Variants in MALT1 observed in about 807,000 individuals in gnomAD.
MALT1 encodes MALT1 paracaspase, also known as mucosa-associated lymphoid tissue lymphoma translocation protein 1.
In MALT1, 36 loss-of-function variants were observed where a neutral mutation model predicts 85.5. That is an observed-to-expected ratio of 0.42 (90% CI 0.32 to 0.56). The LOEUF is 0.56. Among genes scored for constraint, MALT1 ranks in the 20% least tolerant of loss-of-function variants. The pLI, the probability that MALT1 is intolerant of heterozygous loss-of-function variation, is 0.10. For synonymous variants in MALT1, 359 were observed against 361.3 expected (o/e 0.99, Z 0.07); for missense variants, 716 against 981.6 (o/e 0.73, Z 3.62).
At chr18:58,744,542 T>C (rs865995732) in intron 15 of MALT1, 47 bp downstream of exon 15, 1 of 1,287,484 alleles carries the variant, frequency 7.8e-7, no homozygotes, top group South Asian at 1.6e-5. Flanking sequence ...TTCTCACTTA[T>C]TAAAGACTAA....
chr18:58,692,407 C>CCTCTCTCTCTTTCTCTCTCTCT (rs2054519610), intron 2 of MALT1, among the ~76,000 whole-genome samples: 1 of 130,360 alleles, frequency 7.7e-6, no homozygotes, highest in African/African-American at 3.0e-5. Context: ...ACTGGCCATT[C>CCTCTCTCTCTTTCTCTCTCTCT]CTCTCTCTCT....
At chr18:58,694,690 T>A (rs1374579312) in intron 2 of MALT1, among the ~76,000 whole-genome samples, 2 of 152,240 alleles carry the variant, frequency 1.3e-5, no homozygotes, top group Non-Finnish European at 2.9e-5. Flanking sequence ...AACAACTGTT[T>A]ATTATCTCAC....
chr18:58,722,561 TTGA>T (rs2054999389), intron 9 of MALT1, among the ~76,000 whole-genome samples: 2 of 150,306 alleles, frequency 1.3e-5, no homozygotes, highest in Non-Finnish European at 2.9e-5. Flanking sequence ...CTCTCTCTCT[TTGA>T]TATTTCCCCT....
intron 2 of MALT1, among the ~76,000 whole-genome samples, chr18:58,687,268 G>A (rs781708305): frequency 5.2e-4 from 79 of 152,160 alleles, no homozygotes; most frequent in Admixed American, 1.2e-3. Context: ...GGGAGAGAAA[G>A]GGCTGGTGAG....
rs747407753 is a variant in MALT1, at chr18:58,747,452, G to T, written c.2085G>T (p.Leu695Phe). The change falls in exon 17 of 17, where the codon TTG (leucine) becomes TTT (phenylalanine). Residue 695 changes from leucine to phenylalanine, a missense_variant. Physicochemically the swap from Leu to Phe is conservative, Grantham distance 22. Around this residue, in one of 4 missense-constraint regions of MALT1, gnomAD observed 260 missense variants for 323.7 expected, o/e 0.80. Coordinates refer to ENST00000649217, the MANE Select transcript of MALT1 (RefSeq NM_006785.4). ...TVCLSYQYSG[L>F]EDTVEDKQEV... Reference sequence around the variant, plus strand: ...GTTTATCATATCAGTACTCAGGATTGGAAGATACTGTAGAGGACAAGCAGG... The same window carrying T: ...GTTTATCATATCAGTACTCAGGATTTGAAGATACTGTAGAGGACAAGCAGG... 10 of 1,613,678 alleles carry T rather than the reference G, an allele frequency of 6.2e-6. No individual in the cohort carries two copies. The Admixed American group carries it at 1.0e-4, about 16-fold the overall frequency.
chr18:58,684,001 G>A lies in MALT1; in HGVS notation c.376+2665G>A, dbSNP rs545109676. Among the ~76,000 whole-genome samples the A allele has an allele frequency of 6.8e-4, 103 of 151,980 alleles. 1 individual carries two copies. The highest frequency in any genetic ancestry group is 1.9e-3 in the East Asian group (10 of 5,180). ...GGCTGGAATGCAGTGATATGATCTC[G>A]GCTCACTGCAACTTCTGCCTCCGGA... On this transcript the variant is annotated intron_variant, in intron 2 of 16. Transcript: ENST00000649217.
At chr18:58,738,573 T>C (rs374105048) in intron 13 of MALT1, among the ~76,000 whole-genome samples, 4 of 146,482 alleles carry the variant, frequency 2.7e-5, no homozygotes, top group African/African-American at 1.0e-4. Flanking sequence ...CCAGACAGTT[T>C]TGTAAAGTGG....
Position 58,733,402 on chromosome 18 carries a change from T to C in MALT1, c.1228T>C (p.Leu410=), listed in dbSNP as rs2055180956. 2 of 1,598,130 alleles carry C rather than the reference T, an allele frequency of 1.3e-6. 1 individual carries two copies. The highest frequency in any genetic ancestry group is 2.3e-5 in the South Asian group (2 of 87,780). ...CTTATTTTTCCTCTTTTCAGGGTTATTATATTATGCAGGACATGGTTATGA... is the reference window on the plus strand; with the variant it reads ...CTTATTTTTCCTCTTTTCAGGGTTACTATATTATGCAGGACATGGTTATGA... ...LLLDKGVYGL[L]YYAGHGYENF... Residue 410 remains leucine (L), a synonymous_variant, in exon 11 of 17, where the codon TTA becomes CTA. Coordinates refer to ENST00000649217, the MANE Select transcript of MALT1 (RefSeq NM_006785.4).
intron 4 of MALT1, among the ~76,000 whole-genome samples, chr18:58,703,673 G>C (rs1000120878): frequency 5.9e-5 from 9 of 152,108 alleles, no homozygotes; most frequent in African/African-American, 2.2e-4. Flanking sequence ...GGGGGAAACT[G>C]CCCCCATGAT....
intron 9 of MALT1, among the ~76,000 whole-genome samples, chr18:58,721,608 T>A (rs2054984373): frequency 6.6e-6 from 1 of 152,184 alleles, no homozygotes; most frequent in Admixed American, 6.5e-5. Flanking sequence ...GTAGAGTTTT[T>A]TTTATCCTTT....
chr18:58,747,733 G>C lies in MALT1; in HGVS notation c.2366G>C (p.Ser789Thr). 1 of 1,614,154 alleles carries C rather than the reference G, an allele frequency of 6.2e-7. No individual in the cohort carries two copies. The highest frequency in any genetic ancestry group is 8.5e-7 in the Non-Finnish European group (1 of 1,180,010). Residue 789 changes from serine to threonine, a missense_variant, in exon 17 of 17, where the codon AGT (serine) becomes ACT (threonine). Physicochemically the swap from Ser to Thr is moderately conservative, Grantham distance 58. Transcript: ENST00000649217. Reference protein sequence around the residue: ...CSRTPDAFISSFAHHASCHFS... With the variant: ...CSRTPDAFISTFAHHASCHFS... ...CGGACTCCAGATGCATTTATTTCAAGTTTCGCTCACCATGCTTCATGTCAT... is the reference window on the plus strand; with the variant it reads ...CGGACTCCAGATGCATTTATTTCAACTTTCGCTCACCATGCTTCATGTCAT...
rs1251144965 is a variant in MALT1 at position 58,751,497 on chromosome 18, G to A, written c.*3655G>A. The stretch of plus-strand genomic sequence containing the variant: ...AGCATCCGTGGAGGCTGAAACAGGA[G>A]AATCGCATGAATTTTTTAAAAAATC... On this transcript the variant is annotated 3_prime_UTR_variant, in exon 17 of 17. Coordinates refer to ENST00000649217, the MANE Select transcript of MALT1 (RefSeq NM_006785.4). The A allele has an allele frequency of 6.6e-6, 1 of 152,074 alleles. No homozygotes were observed. Among genetic ancestry groups the A allele is most frequent in the Non-Finnish European group, 1.5e-5 (1 of 68,012 alleles). 9.4% of individuals were successfully genotyped at this position (152,074 alleles called of 1,614,324 possible). A position where few individuals can be genotyped will look rare whatever the true frequency, so the allele number is the denominator to read the frequency against.
chr18:58,691,896 T>C (rs1216220127), intron 2 of MALT1, among the ~76,000 whole-genome samples: 1 of 138,470 alleles, frequency 7.2e-6, no homozygotes, highest in Non-Finnish European at 1.6e-5. Flanking sequence ...AACAAAAAAT[T>C]AGCCAGGCAT....
Position 58,722,956 on chromosome 18 carries a change from T to G in MALT1, c.1019-92T>G. Reference sequence around the variant, plus strand: ...TATTTGAAATGAAATAATGCAATCTTAAAGCATACTTTTTATTATAATACC... The same window carrying G: ...TATTTGAAATGAAATAATGCAATCTGAAAGCATACTTTTTATTATAATACC... On this transcript the variant is annotated intron_variant, in intron 9 of 16. Transcript: ENST00000649217. 3 of 798,274 alleles carry G rather than the reference T, an allele frequency of 3.8e-6. No homozygotes were observed. The Admixed American group carries it at 8.1e-5, about 22-fold the overall frequency. The allele number at this position is 798,274 out of a possible 1,614,324, so 49.4% of individuals were successfully genotyped here.
chr18:58,741,879 C>A lies in MALT1; in HGVS notation c.1618C>A (p.His540Asn). 2 of 1,524,454 alleles carry A rather than the reference C, an allele frequency of 1.3e-6. No individual in the cohort carries two copies. The highest frequency in any genetic ancestry group is 9.0e-7 in the Non-Finnish European group (1 of 1,116,916). The allele number at this position is 1,524,454 out of a possible 1,614,324, so 94.4% of individuals were successfully genotyped here. A position where few individuals can be genotyped will look rare whatever the true frequency, so the allele number is the denominator to read the frequency against. ...ATATCTTTTAGATATGGGTAAGTGT[C>A]ACCTTACCAAAGGCAAACAGGCTCT... Reference protein sequence around the residue: ...DEVAEDMGKCHLTKGKQALEI... With the variant: ...DEVAEDMGKCNLTKGKQALEI... Residue 540 changes from histidine to asparagine, a missense_variant, in exon 14 of 17, where the codon CAC (histidine) becomes AAC (asparagine). By Grantham distance (68) the His-to-Asn change is moderately conservative. Transcript: ENST00000649217.
Position 58,747,432 on chromosome 18 carries a change from T to G in MALT1, c.2065T>G (p.Ser689Ala). The G allele has an allele frequency of 6.2e-7, 1 of 1,613,156 alleles. No individual in the cohort carries two copies. The highest frequency in any genetic ancestry group is 8.5e-7 in the Non-Finnish European group (1 of 1,179,390). The change falls in exon 17 of 17, where the codon TCA (serine) becomes GCA (alanine). Residue 689 changes from serine (S) to alanine (A), a missense_variant. Transcript: ENST00000649217. The part of the protein sequence containing the change: ...KEHLVFTVCL[S>A]YQYSGLEDTV... ...ACATCTAGTCTTCACAGTATGTTTA[T>G]CATATCAGTACTCAGGATTGGAAGA...
chr18:58,740,383 ACAT>A (rs1390250941), intron 13 of MALT1, among the ~76,000 whole-genome samples: 1 of 84,186 alleles, frequency 1.2e-5, no homozygotes, highest in African/African-American at 5.3e-5. Context: ...TCTTTTTCTA[ACAT>A]CATCGTAGTT....
At chr18:58,683,311 C>T (rs1568123913) in intron 2 of MALT1, among the ~76,000 whole-genome samples, 1 of 152,290 alleles carries the variant, frequency 6.6e-6, no homozygotes, top group East Asian at 1.9e-4. Flanking sequence ...ACATGTATTT[C>T]ATTCTCTTTT....
chr18:58,703,312 G>A (rs1395092406), intron 4 of MALT1, among the ~76,000 whole-genome samples: 1 of 151,972 alleles, frequency 6.6e-6, no homozygotes, highest in Non-Finnish European at 1.5e-5. Flanking sequence ...AGCCAAGATT[G>A]CACCATGGCA....
Sources: allele counts gnomAD v4.1 joint callset (sites outside exome capture counted in the v4.1 genomes callset), GRCh38; gene constraint gnomAD v4.1.1; regional missense constraint gnomAD v4.1.1; transcripts MANE v1.5; gene names NCBI Gene and HGNC (gene_info 2026-07-23, HGNC 2026-07-21).